Variants in FAM168B observed in about 807,000 individuals in gnomAD.
The protein encoded by FAM168B is family with sequence similarity 168 member B.
In FAM168B, 19 loss-of-function variants were observed where a neutral mutation model predicts 21.8. That is an observed-to-expected ratio of 0.87 (90% CI 0.61 to 1.28). FAM168B has a LOEUF of 1.28. FAM168B is among the 50% of genes most tolerant of loss of function. FAM168B has a pLI of 0.00. For missense variants in FAM168B, 233 were observed against 263.1 expected (o/e 0.89, Z 0.79); for synonymous variants, 126 against 104.8 (o/e 1.20, Z -1.24).
rs1419007071 is a variant in FAM168B, at chr2:131,050,831, G to C, written c.*1634C>G. On this transcript the variant is annotated 3_prime_UTR_variant, in exon 7 of 7. Coordinates refer to ENST00000389915, the MANE Select transcript of FAM168B (RefSeq NM_001009993.4). ...GGAGCAGAGCCCCCTCCCCACCAGA[G>C]CCCACAGCACTCAAACCACCACTGC... 1.1e-5 allele frequency: 11 copies of C among 985,188 alleles called. No individual in the cohort carries two copies. The highest frequency in any genetic ancestry group is 1.3e-5 in the Non-Finnish European group (11 of 829,976). 61.0% of individuals were successfully genotyped at this position (985,188 alleles called of 1,614,324 possible). A position where few individuals can be genotyped will look rare whatever the true frequency, so the allele number is the denominator to read the frequency against.
intron 1 of FAM168B, among the ~76,000 whole-genome samples, chr2:131,091,979 A>AAC (rs1322080373): frequency 6.6e-6 from 1 of 151,146 alleles, no homozygotes; most frequent in African/African-American, 2.4e-5. Flanking sequence ...AAAAAAAAAA[A>AAC]ACAAATACAA....
At chr2:131,090,578 A>T (rs1329287624) in intron 1 of FAM168B, among the ~76,000 whole-genome samples, 2 of 152,088 alleles carry the variant, frequency 1.3e-5, no homozygotes, top group Non-Finnish European at 2.9e-5. Context: ...CAACATCAAC[A>T]AGAGCTTGTA....
intron 3 of FAM168B, among the ~76,000 whole-genome samples, chr2:131,071,451 A>G (rs1692864964): frequency 6.6e-6 from 1 of 152,230 alleles, no homozygotes; most frequent in Non-Finnish European, 1.5e-5. Context: ...TCATCTATAC[A>G]TTACATGGAA....
intron 5 of FAM168B, among the ~76,000 whole-genome samples, chr2:131,053,258 C>T (rs1691807860): frequency 6.6e-6 from 1 of 152,226 alleles, no homozygotes; most frequent in African/African-American, 2.4e-5. Flanking sequence ...TCATAAAGCA[C>T]ACCCAATAAT....
intron 3 of FAM168B, among the ~76,000 whole-genome samples, chr2:131,057,160 C>T (rs960932294): frequency 6.6e-6 from 1 of 152,158 alleles, no homozygotes; most frequent in Admixed American, 6.5e-5. Flanking sequence ...AGACACATCC[C>T]GCAACATCCA....
chr2:131,088,871 G>C (rs992027448), intron 1 of FAM168B, among the ~76,000 whole-genome samples: 3 of 151,788 alleles, frequency 2.0e-5, no homozygotes, highest in African/African-American at 7.3e-5. Flanking sequence ...TGAAATGTTA[G>C]TGCTACTAAA....
Position 131,055,402 on chromosome 2 carries a change from G to A in FAM168B, c.345C>T (p.Val115=), listed in dbSNP as rs1691958411. ...GCTGCACCACCGTGGTGTGGTGGAT[G>A]ACGTGAGGAGGTGCTGCATACAGCG... is the stretch of plus-strand genomic sequence containing the variant. ...TQPLYAAPPH[V]IHHTTVVQPN... is the part of the protein sequence containing the mutation. Residue 115 remains valine (V), a synonymous_variant, in exon 5 of 7, where the codon GTC becomes GTT. Coordinates refer to ENST00000389915, the MANE Select transcript of FAM168B (RefSeq NM_001009993.4). 6.2e-7 allele frequency: 1 copy of A among 1,607,848 alleles called. No individual in the cohort carries two copies. Among genetic ancestry groups the A allele is most frequent in the African/African-American group, 1.3e-5 (1 of 74,498 alleles).
chr2:131,092,111 T>G (rs1300634721), intron 1 of FAM168B, among the ~76,000 whole-genome samples: 1 of 148,562 alleles, frequency 6.7e-6, no homozygotes, highest in Non-Finnish European at 1.5e-5. Flanking sequence ...GCCACTGCAC[T>G]CCAGTCTGGG....
chr2:131,050,565 C>G lies in FAM168B; in HGVS notation c.*1900G>C, dbSNP rs973586733. ...TTTAAAGTACTTATCAGTAAACATT[C>G]TATGTTAATAGACATCAGGAATAAA... is the stretch of plus-strand genomic sequence containing the variant. On this transcript the variant is annotated 3_prime_UTR_variant, in exon 7 of 7. Transcript: ENST00000389915. 3.2e-5 allele frequency: 32 copies of G among 985,626 alleles called. No homozygotes were observed. Among genetic ancestry groups the G allele is most frequent in the Non-Finnish European group, 3.6e-5 (30 of 829,920 alleles). The allele number at this position is 985,626 out of a possible 1,614,324, so 61.1% of individuals were successfully genotyped here. A position where few individuals can be genotyped will look rare whatever the true frequency, so the allele number is the denominator to read the frequency against.
chr2:131,089,744 A>G (rs1178626298), intron 1 of FAM168B, among the ~76,000 whole-genome samples: 1 of 150,760 alleles, frequency 6.6e-6, no homozygotes, highest in Non-Finnish European at 1.5e-5. Flanking sequence ...AAGAAAAAAG[A>G]AAGACCTGGC....
Position 131,092,972 on chromosome 2 carries a change from C to T in FAM168B, c.-12+242G>A, listed in dbSNP as rs1673351875. On this transcript the variant is annotated intron_variant, in intron 1 of 6. Coordinates refer to ENST00000389915, the MANE Select transcript of FAM168B (RefSeq NM_001009993.4). ...AGAACGCCCCGCGCCGCGAAGCCACCTCGGCCACCTAGGCGGCAGGCCCGC... is the reference window on the plus strand; with the variant it reads ...AGAACGCCCCGCGCCGCGAAGCCACTTCGGCCACCTAGGCGGCAGGCCCGC... Among the ~76,000 whole-genome samples, 3 of 151,968 alleles carry T rather than the reference C, an allele frequency of 2.0e-5. No individual in the cohort carries two copies. The South Asian group carries it at 6.2e-4, about 31-fold the overall frequency.
At chr2:131,074,534 A>C (rs1693038416) in intron 2 of FAM168B, among the ~76,000 whole-genome samples, 1 of 152,182 alleles carries the variant, frequency 6.6e-6, no homozygotes, top group Non-Finnish European at 1.5e-5. Flanking sequence ...TCTCTACTGC[A>C]CACTTCCTTC....
intron 3 of FAM168B, among the ~76,000 whole-genome samples, chr2:131,070,521 TA>T (rs1692819366): frequency 6.6e-6 from 1 of 152,218 alleles, no homozygotes; most frequent in Admixed American, 6.5e-5. Flanking sequence ...ACACTTGCCA[TA>T]ATAACCAGCC....
chr2:131,071,125 A>T (rs2105521082), intron 3 of FAM168B, among the ~76,000 whole-genome samples: 1 of 152,334 alleles, frequency 6.6e-6, no homozygotes, highest in African/African-American at 2.4e-5. Context: ...CAAAACAGGA[A>T]GAATCTGGGG....
intron 2 of FAM168B, among the ~76,000 whole-genome samples, chr2:131,080,335 A>G (rs755786898): frequency 1.2e-3 from 187 of 151,552 alleles, no homozygotes; most frequent in Non-Finnish European, 8.8e-4. Context: ...GACACAAGTA[A>G]TATCTTAAGG....
In FAM168B at chr2:131,071,905, G is replaced by T; in HGVS notation, c.104C>A (p.Pro35His). The T allele has an allele frequency of 6.2e-7, 1 of 1,614,078 alleles. No homozygotes were observed. The highest frequency in any genetic ancestry group is 8.5e-7 in the Non-Finnish European group (1 of 1,179,982). ...AGGATACATGTTAGGAGAATAGGCA[G>T]GAGCTGCTGCTGCATAGCCCATGGG... ...GFPMGYAAAAPAYSPNMYPGA... is the reference protein window; with the variant it reads ...GFPMGYAAAAHAYSPNMYPGA... The change falls in exon 3 of 7, where the codon CCT (proline) becomes CAT (histidine). Residue 35 changes from proline (P) to histidine (H), a missense_variant. Coordinates refer to ENST00000389915, the MANE Select transcript of FAM168B (RefSeq NM_001009993.4).
intron 1 of FAM168B, among the ~76,000 whole-genome samples, chr2:131,083,224 C>T (rs1363391801): frequency 1.3e-5 from 2 of 152,142 alleles, no homozygotes; most frequent in South Asian, 2.1e-4. Context: ...TGTGGTGGCG[C>T]GTGCCTGTAA....
chr2:131,061,164 A>G (rs1042025996), intron 3 of FAM168B, among the ~76,000 whole-genome samples: 1 of 139,366 alleles, frequency 7.2e-6, no homozygotes, highest in African/African-American at 2.6e-5. Flanking sequence ...TTTTTTTAAT[A>G]AGGTGGAAGG....
At chr2:131,092,121 GAAAC>G (rs1694064304) in intron 1 of FAM168B, among the ~76,000 whole-genome samples, 1 of 149,774 alleles carries the variant, frequency 6.7e-6, no homozygotes, top group South Asian at 2.1e-4. Flanking sequence ...TCCAGTCTGG[GAAAC>G]AGAGGGAGAC....
Sources: gnomAD v4.1 joint callset for allele counts (sites outside exome capture counted in the v4.1 genomes callset) on GRCh38, gnomAD v4.1.1 for gene constraint, MANE v1.5 for transcripts, NCBI Gene and HGNC (gene_info 2026-07-23, HGNC 2026-07-21) for gene names.